Variants in SLC44A5 observed in about 807,000 individuals in gnomAD.
SLC44A5 encodes the protein solute carrier family 44 member 5, also known as choline transporter-like protein 5.
In SLC44A5, 57 loss-of-function variants were observed where a neutral mutation model predicts 101.8. The ratio of observed to expected loss-of-function variants is 0.56; its 90% CI spans 0.45 to 0.70. SLC44A5 has a LOEUF of 0.70. SLC44A5 is among the 30% of genes least tolerant of loss of function. SLC44A5 has a pLI of 0.00. For missense variants in SLC44A5, 737 were observed against 853.1 expected, an observed-to-expected ratio of 0.86 and a Z score of 1.70; for synonymous variants, 281 against 290.9, an observed-to-expected ratio of 0.97 and a Z score of 0.35.
chr1:75,618,876 C>T, the SLC44A5 span, among the ~76,000 whole-genome samples: 1 of 151,952 alleles, frequency 6.6e-6, no homozygotes, highest in East Asian at 1.9e-4. Context: ...TCACGACCAG[C>T]CTGGCCAACA....
At chr1:75,274,493 T>C (rs900752087) in intron 6 of SLC44A5, among the ~76,000 whole-genome samples, 3 of 152,142 alleles carry the variant, frequency 2.0e-5, no homozygotes, top group African/African-American at 7.2e-5. Context: ...GCCAGGTTGC[T>C]TGGAAAAGGA....
Position 75,559,612 on chromosome 1 carries a change from C to T in SLC44A5, c.-69-18096G>A, listed in dbSNP as rs537931372. 5.3e-5 allele frequency among the ~76,000 whole-genome samples: 8 copies of T among 152,210 alleles called. No homozygotes were observed. The East Asian group carries it at 1.5e-3, about 29-fold the overall frequency. ...CACTGTTCACAGTACAGAGTATATG[C>T]TTCTTGCATACACATTCAAATGTTT... On this transcript the variant is annotated intron_variant, in intron 1 of 23. Transcript: ENST00000370859.
At chr1:75,596,293 C>T (rs1461825638) in intron 1 of SLC44A5, among the ~76,000 whole-genome samples, 1 of 151,714 alleles carries the variant, frequency 6.6e-6, no homozygotes, top group East Asian at 1.9e-4. Flanking sequence ...GAAATTGAGG[C>T]AGTAATAAAT....
At chr1:75,520,034 G>A (rs967838905) in intron 2 of SLC44A5, among the ~76,000 whole-genome samples, 1 of 152,252 alleles carries the variant, frequency 6.6e-6, no homozygotes, top group Non-Finnish European at 1.5e-5. Context: ...TACCATGATG[G>A]AGACAGAAAC....
intron 6 of SLC44A5, among the ~76,000 whole-genome samples, chr1:75,273,630 T>C (rs1400920439): frequency 6.6e-6 from 1 of 152,150 alleles, no homozygotes; most frequent in African/African-American, 2.4e-5. Flanking sequence ...TCTATTGAGA[T>C]TGATCACACA....
chr1:75,353,023 T>C (rs1176029456), intron 3 of SLC44A5, among the ~76,000 whole-genome samples: 1 of 152,198 alleles, frequency 6.6e-6, no homozygotes, highest in Non-Finnish European at 1.5e-5. Context: ...AATTTGTCTA[T>C]TTTTGGCTTT....
chr1:75,334,276 A>C (rs1335745485), intron 4 of SLC44A5, among the ~76,000 whole-genome samples: 1 of 152,204 alleles, frequency 6.6e-6, no homozygotes, highest in Non-Finnish European at 1.5e-5. Context: ...TATATAATGC[A>C]TATTTGCTGA....
chr1:75,341,043 C>G (rs1657836035), intron 3 of SLC44A5, among the ~76,000 whole-genome samples: 3 of 152,136 alleles, frequency 2.0e-5, no homozygotes. Flanking sequence ...AACAAAAGAG[C>G]CAAAGAGTCC....
chr1:75,261,895 CAT>C (rs1278775586), intron 6 of SLC44A5, among the ~76,000 whole-genome samples: 2 of 152,124 alleles, frequency 1.3e-5, no homozygotes, highest in African/African-American at 4.8e-5. Flanking sequence ...CCAAAAACCA[CAT>C]GATTATCTCA....
chr1:75,541,356 C>T (rs1671346773), intron 2 of SLC44A5, 79 bp downstream of exon 2: 3 of 1,078,868 alleles, frequency 2.8e-6, no homozygotes, highest in Non-Finnish European at 2.8e-6. Flanking sequence ...TCTATTTGTC[C>T]TTATTTAATA....
At chr1:75,395,149 C>A (rs538749132) in intron 3 of SLC44A5, among the ~76,000 whole-genome samples, 1 of 152,110 alleles carries the variant, frequency 6.6e-6, no homozygotes, top group South Asian at 2.1e-4. Flanking sequence ...ATCTCATAAA[C>A]CTTGTGAGAA....
intron 5 of SLC44A5, among the ~76,000 whole-genome samples, chr1:75,294,429 CA>C (rs1653804296): frequency 6.6e-6 from 1 of 152,054 alleles, no homozygotes; most frequent in Non-Finnish European, 1.5e-5. Flanking sequence ...GGAGGTCACT[CA>C]AAAAATTAAA....
At chr1:75,311,164 T>C (rs1655267987) in intron 4 of SLC44A5, among the ~76,000 whole-genome samples, 1 of 152,040 alleles carries the variant, frequency 6.6e-6, no homozygotes, top group African/African-American at 2.4e-5. Flanking sequence ...TCACCCAAGT[T>C]GGAGTGCATT....
intron 1 of SLC44A5, among the ~76,000 whole-genome samples, chr1:75,576,310 C>T (rs1172923040): frequency 6.9e-6 from 1 of 145,798 alleles, no homozygotes; most frequent in Non-Finnish European, 1.5e-5. Context: ...ATAAATGTTC[C>T]TTTTTTTTTT....
intron 2 of SLC44A5, among the ~76,000 whole-genome samples, chr1:75,496,917 C>G (rs1384341236): frequency 1.3e-5 from 2 of 151,964 alleles, no homozygotes; most frequent in African/African-American, 4.8e-5. Flanking sequence ...AAATGCACAT[C>G]AAAACCACAA....
At chr1:75,643,441 G>A in the SLC44A5 span, among the ~76,000 whole-genome samples, 1 of 152,082 alleles carries the variant, frequency 6.6e-6, no homozygotes, top group African/African-American at 2.4e-5. Context: ...TTAATTATAT[G>A]TATATATCTT....
Position 75,496,621 on chromosome 1 carries a change from AC to A in SLC44A5, c.13+44813del, listed in dbSNP as rs1225194278. Among the ~76,000 whole-genome samples, 5 of 151,430 alleles carry A rather than the reference AC, an allele frequency of 3.3e-5. No homozygotes were observed. In the East Asian group the frequency reaches 7.8e-4, roughly 24 times the overall value. ...ACAGACAACAACAACAAAAAAAAAA[AC>A]AATAAAAGTGGGACTACATCATGCT... is the stretch of plus-strand genomic sequence containing the variant. On this transcript the variant is annotated intron_variant, in intron 2 of 23. Transcript: ENST00000370859.
chr1:75,525,125 C>A (rs185131667), intron 2 of SLC44A5, among the ~76,000 whole-genome samples: 2 of 152,010 alleles, frequency 1.3e-5, no homozygotes, highest in East Asian at 3.8e-4. Context: ...AGGCAAAGAT[C>A]GTCAATGCAT....
chr1:75,582,485 G>T, intron 1 of SLC44A5: 1 of 589,252 alleles, frequency 1.7e-6, no homozygotes, highest in Non-Finnish European at 3.0e-6. Flanking sequence ...TCAAACCAAG[G>T]CCCAGCCTGC....
Sources: gnomAD v4.1 joint callset for allele counts (sites outside exome capture counted in the v4.1 genomes callset) on GRCh38, gnomAD v4.1.1 for gene constraint, MANE v1.5 for transcripts, NCBI Gene and HGNC (gene_info 2026-07-23, HGNC 2026-07-21) for gene names.